The following DMD variants were observed in gnomAD, a reference collection of about 807,000 sequenced individuals.
DMD encodes the protein mutant dystrophin.
In DMD, 63 loss-of-function variants were observed where a neutral mutation model predicts 330.1. The ratio of observed to expected loss-of-function variants is 0.19; its 90% confidence interval spans 0.16 to 0.24. DMD has a LOEUF of 0.24. Among genes scored for constraint, DMD ranks in the 10% least tolerant of loss-of-function variants. The pLI is 1.00. For missense variants in DMD, 3,344 were observed against 2,684.1 expected, an observed-to-expected ratio of 1.25 and a Z score of -5.43; for synonymous variants, 1,223 against 959.8, an observed-to-expected ratio of 1.27 and a Z score of -5.07.
At chrX:32,849,688 C>T (rs1177806602) in intron 3 of DMD, 40 bp downstream of exon 3, 1 of 1,006,130 alleles carries the variant, frequency 9.9e-7, no homozygotes, top group Non-Finnish European at 1.4e-6. Context: ...TGAAATTCTA[C>T]TAAGTTTAAA....
intron 61 of DMD, among the ~76,000 whole-genome samples, chrX:31,327,040 A>G (rs966151627): frequency 8.9e-6 from 1 of 112,105 alleles, no homozygotes; most frequent in African/African-American, 3.2e-5. Context: ...AATAGTTTCT[A>G]TATGACACCG....
chrX:31,346,421 G>T (rs1330945832), intron 61 of DMD, among the ~76,000 whole-genome samples: 1 of 111,094 alleles, frequency 9.0e-6, no homozygotes, highest in Non-Finnish European at 1.9e-5. Flanking sequence ...ATGACCACAA[G>T]GAAATACATC....
chrX:33,045,669 G>GAC (rs1001039031), intron 1 of DMD, among the ~76,000 whole-genome samples: 56 of 102,827 alleles, frequency 5.4e-4, no homozygotes, highest in East Asian at 2.5e-3. Context: ...CTGACCCTCT[G>GAC]ACACACACAC....
At position 31,369,536 on chromosome X, in the gene DMD, G is replaced by C. The variant is rs144347717; in HGVS notation, c.9085-20902C>G. ...GAAATAATACCCTAATTTTTGACTT[G>C]GGCAATTGGGTGAAGCGTAGCGTTC... On this transcript the variant is annotated intron_variant, in intron 60 of 78. Transcript: ENST00000357033. 6.3e-5 allele frequency among the ~76,000 whole-genome samples: 7 copies of C among 111,731 alleles called. No individual in the cohort carries two copies. The East Asian group carries it at 2.0e-3, about 32-fold the overall frequency.
Position 33,228,675 on chromosome X carries a change from C to A in DMD, c.7+110584G>T, listed in dbSNP as rs189156828. 1.6e-3 allele frequency among the ~76,000 whole-genome samples: 173 copies of A among 108,311 alleles called. 2 individuals are homozygous for A. The highest frequency in any genetic ancestry group is 4.9e-3 in the Middle Eastern group (1 of 206). 94.1% of individuals were successfully genotyped at this position (108,311 alleles called of 115,157 possible). On this transcript the variant is annotated intron_variant, in intron 1 of 17. Transcript: ENST00000288447. ...TATTAGGCTATCAGGCTCTCACTTC[C>A]ACCTATATTCCCCATTTAAAAAAAT...
chrX:32,423,653 G>A (rs895485194), intron 29 of DMD, among the ~76,000 whole-genome samples: 59 of 110,195 alleles, frequency 5.4e-4, no homozygotes, highest in African/African-American at 1.8e-3. Context: ...ATTATTGATT[G>A]AAGTAGGGTA....
intron 52 of DMD, among the ~76,000 whole-genome samples, chrX:31,715,851 G>A (rs568258702): frequency 3.1e-4 from 35 of 111,379 alleles, no homozygotes; most frequent in South Asian, 1.1e-3. Flanking sequence ...CAAACAAGGC[G>A]TTTTATTAAC....
chrX:32,501,815 A>C lies in DMD; in HGVS notation c.2320T>G (p.Phe774Val). The C allele has an allele frequency of 8.3e-7, 1 of 1,208,023 alleles. No homozygotes were observed. The highest frequency in any genetic ancestry group is 1.1e-6 in the Non-Finnish European group (1 of 893,284). Residue 774 changes from phenylalanine to valine, a missense_variant, in exon 19 of 79, where the codon TTC becomes GTC. Physicochemically the swap from Phe to Val is conservative, Grantham distance 50. Coordinates refer to ENST00000357033, the MANE Select transcript of DMD (RefSeq NM_004006.3). ...CTGCTGGCATCTTGCAGTTTTCTGA[A>C]CTTCTCAGCTTTTTCTCGCTCTATG... Reference protein sequence around the residue: ...NAIEREKAEKFRKLQDASRSA... With the variant: ...NAIEREKAEKVRKLQDASRSA...
intron 7 of DMD, among the ~76,000 whole-genome samples, chrX:32,715,708 G>C (rs772822700): frequency 9.1e-6 from 1 of 110,067 alleles, no homozygotes; most frequent in African/African-American, 3.3e-5. Flanking sequence ...GGCTGAGGTA[G>C]GATAATCACT....
chrX:31,630,902 CTA>C (rs778598201), intron 54 of DMD, among the ~76,000 whole-genome samples: 93 of 111,670 alleles, frequency 8.3e-4, no homozygotes, highest in Non-Finnish European at 1.5e-3. Flanking sequence ...TTATAATCAG[CTA>C]TTCCAGCTTT....
intron 30 of DMD, among the ~76,000 whole-genome samples, chrX:32,394,922 A>AAC (rs1557326754): frequency 1.9e-3 from 43 of 22,296 alleles, no homozygotes; most frequent in African/African-American, 3.8e-3. Flanking sequence ...AAAACAAAAA[A>AAC]AAAAAAAAAA....
At chrX:32,438,636 A>T (rs1266863348) in intron 28 of DMD, among the ~76,000 whole-genome samples, 1 of 111,576 alleles carries the variant, frequency 9.0e-6, no homozygotes, top group Admixed American at 9.6e-5. Context: ...ATTCACAACC[A>T]CCTTTTTCCT....
At chrX:32,434,406 T>C (rs572014973) in intron 29 of DMD, among the ~76,000 whole-genome samples, 7 of 111,294 alleles carry the variant, frequency 6.3e-5, no homozygotes, top group South Asian at 3.8e-4. Context: ...AGAGACTCTG[T>C]CTCAAAAAAA....
intron 2 of DMD, among the ~76,000 whole-genome samples, chrX:32,953,586 A>T (rs1275339677): frequency 5.3e-5 from 6 of 112,222 alleles, no homozygotes. Flanking sequence ...CCCCACTTAC[A>T]AGGAGCTTGA....
intron 44 of DMD, among the ~76,000 whole-genome samples, chrX:32,026,600 T>A (rs1293921): frequency 0.035 from 3,995 of 112,665 alleles, 68 homozygotes; most frequent in Non-Finnish European, 0.057. Context: ...AAAACACTTT[T>A]CAATTGTAGA....
intron 1 of DMD, among the ~76,000 whole-genome samples, chrX:33,040,890 C>T (rs947384226): frequency 9.0e-6 from 1 of 111,713 alleles, no homozygotes; most frequent in African/African-American, 3.3e-5. Context: ...AACCTATATG[C>T]TTGAACTAAC....
At chrX:32,240,030 G>A (rs1431031808) in intron 43 of DMD, among the ~76,000 whole-genome samples, 1 of 111,153 alleles carries the variant, frequency 9.0e-6, no homozygotes, top group Non-Finnish European at 1.9e-5. Flanking sequence ...TTGTTTTTAT[G>A]TTGGTTTCTG....
chrX:31,712,541 T>C (rs1027055038), intron 52 of DMD, among the ~76,000 whole-genome samples: 6 of 97,456 alleles, frequency 6.2e-5, no homozygotes, highest in Non-Finnish European at 1.2e-4. Flanking sequence ...TCACTTAATC[T>C]AGTGAATGAT....
At chrX:32,245,034 C>T (rs1377329690) in intron 43 of DMD, among the ~76,000 whole-genome samples, 1 of 68,433 alleles carries the variant, frequency 1.5e-5, no homozygotes, top group Non-Finnish European at 2.6e-5. Flanking sequence ...GAAGTCCTTG[C>T]CCATGCCTAT....
Sources: gnomAD v4.1 joint callset for allele counts (sites outside exome capture counted in the v4.1 genomes callset) on GRCh38, gnomAD v4.1.1 for gene constraint, MANE v1.5 for transcripts, NCBI Gene and HGNC (gene_info 2026-07-23, HGNC 2026-07-21) for gene names.